The following GBE1 variants were observed in gnomAD, a reference collection of about 807,000 sequenced individuals.
GBE1 encodes the protein 1,4-alpha-glucan branching enzyme 1, also known as 1,4-alpha-glucan-branching enzyme.
GBE1 carries 70 observed loss-of-function variants against 88.8 expected under a neutral mutation model. The ratio of observed to expected loss-of-function variants is 0.79; its 90% CI spans 0.65 to 0.96. The LOEUF (loss-of-function observed/expected upper bound fraction) is 0.96, where lower values mean the gene tolerates loss of function less well. GBE1 is among the 40% of genes least tolerant of loss of function. The probability of loss-of-function intolerance (pLI) is 0.00; values close to 1 mark genes in which losing one functional copy is unlikely to be tolerated. For synonymous variants in GBE1, 284 were observed against 300.1 expected (o/e 0.95, Z 0.56); for missense variants, 872 against 871.0 (o/e 1.00, Z -0.01).
chr3:81,689,657 G>C (rs1429117692), intron 2 of GBE1, among the ~76,000 whole-genome samples: 1 of 152,082 alleles, frequency 6.6e-6, no homozygotes, highest in Non-Finnish European at 1.5e-5. Context: ...CATCACTAGC[G>C]GGCGAGTCCA....
rs971330613 is a variant in GBE1 at position 81,489,948 on chromosome 3, A to G, written c.*459T>C. The G allele has an allele frequency of 2.6e-5, 4 of 156,862 alleles. No homozygotes were observed. The highest frequency in any genetic ancestry group is 5.6e-5 in the Non-Finnish European group (4 of 71,422). 9.7% of individuals were successfully genotyped at this position (156,862 alleles called of 1,614,324 possible). ...TTACAGTATTTCTAAACACAATTTG[A>G]AAAAAAGAAACAAAGAAACAATCTT... On this transcript the variant is annotated 3_prime_UTR_variant, in exon 16 of 16. Transcript: ENST00000429644.
intron 14 of GBE1, among the ~76,000 whole-genome samples, chr3:81,516,735 T>C (rs982821087): frequency 6.6e-6 from 1 of 151,418 alleles, no homozygotes; most frequent in Admixed American, 6.6e-5. Flanking sequence ...ATCAACACAA[T>C]AGGAGTTTGG....
chr3:81,680,776 C>T (rs954022480), intron 2 of GBE1, among the ~76,000 whole-genome samples: 3 of 152,094 alleles, frequency 2.0e-5, no homozygotes, highest in African/African-American at 7.2e-5. Context: ...GGATTAGTAC[C>T]TGTATTAAAG....
At chr3:81,539,764 C>CA (rs1703120608) in intron 12 of GBE1, among the ~76,000 whole-genome samples, 1 of 151,958 alleles carries the variant, frequency 6.6e-6, no homozygotes, top group South Asian at 2.1e-4. Context: ...GTGTTAACTA[C>CA]ACTAGAGGAA....
intron 12 of GBE1, among the ~76,000 whole-genome samples, chr3:81,541,224 A>G (rs9837220): frequency 0.64 from 97,314 of 151,616 alleles, 32,714 homozygotes; most frequent in East Asian, 0.92. Context: ...TCAGAGGACG[A>G]TATTAACTCA....
At chr3:81,597,477 C>A (rs1342487402) in intron 7 of GBE1, among the ~76,000 whole-genome samples, 2 of 131,064 alleles carry the variant, frequency 1.5e-5, no homozygotes, top group African/African-American at 3.0e-5. Context: ...ATATATATAT[C>A]TCAAAATATA....
At chr3:81,596,274 G>A (rs374937600) in intron 7 of GBE1, among the ~76,000 whole-genome samples, 27 of 151,752 alleles carry the variant, frequency 1.8e-4, no homozygotes, top group South Asian at 4.2e-4. Context: ...TTAATTCTCT[G>A]GCTAAGTCAA....
At chr3:81,690,842 G>A (rs1210907711) in intron 2 of GBE1, among the ~76,000 whole-genome samples, 1 of 150,956 alleles carries the variant, frequency 6.6e-6, no homozygotes, top group African/African-American at 2.4e-5. Flanking sequence ...TCCCTTTATT[G>A]TCTTGCTATA....
intron 14 of GBE1, among the ~76,000 whole-genome samples, chr3:81,511,772 T>C (rs912996015): frequency 6.6e-6 from 1 of 151,914 alleles, no homozygotes; most frequent in East Asian, 1.9e-4. Context: ...TAAAGCAGCT[T>C]GTAAATGTCT....
intron 2 of GBE1, among the ~76,000 whole-genome samples, chr3:81,700,118 C>A (rs1304029884): frequency 6.6e-6 from 1 of 152,142 alleles, no homozygotes; most frequent in Non-Finnish European, 1.5e-5. Flanking sequence ...CAGCTGACCA[C>A]TACAGCGAAA....
In GBE1 at chr3:81,705,598, G is replaced by A. The variant is rs1245333229; in HGVS notation, c.159C>T (p.Ser53=). ...VDFQRRYKQF[S]QILKNIGENE... ...TTTCTCCAATGTTCTTCAAAATTTGGCTAAACTGCTTATACCTTTGAAGAA... is the reference window on the plus strand; with the variant it reads ...TTTCTCCAATGTTCTTCAAAATTTGACTAAACTGCTTATACCTTTGAAGAA... The change falls in exon 2 of 16, where the codon AGC becomes AGT. Residue 53 remains serine, a synonymous_variant. Coordinates refer to ENST00000429644, the MANE Select transcript of GBE1 (RefSeq NM_000158.4). 1.3e-6 allele frequency: 2 copies of A among 1,559,260 alleles called. No individual in the cohort carries two copies. Among genetic ancestry groups the A allele is most frequent in the African/African-American group, 1.4e-5 (1 of 73,346 alleles).
intron 1 of GBE1, among the ~76,000 whole-genome samples, chr3:81,723,693 T>C (rs1016722680): frequency 6.6e-6 from 1 of 152,164 alleles, no homozygotes; most frequent in African/African-American, 2.4e-5. Context: ...CTAAAAGTAG[T>C]GGCACTGAAG....
chr3:81,710,039 C>T (rs1232673114), intron 1 of GBE1, among the ~76,000 whole-genome samples: 1 of 151,966 alleles, frequency 6.6e-6, no homozygotes, highest in Non-Finnish European at 1.5e-5. Flanking sequence ...TGTTTTAAAT[C>T]CTCTGTTACA....
chr3:81,604,440 C>T (rs969593965), intron 7 of GBE1, among the ~76,000 whole-genome samples: 1 of 151,682 alleles, frequency 6.6e-6, no homozygotes, highest in African/African-American at 2.4e-5. Context: ...GAGTGCACCA[C>T]GACGCCAGGC....
At chr3:81,501,591 T>A (rs1576122105) in intron 14 of GBE1, among the ~76,000 whole-genome samples, 1 of 152,012 alleles carries the variant, frequency 6.6e-6, no homozygotes, top group Admixed American at 6.6e-5. Flanking sequence ...ACACTTTCAT[T>A]TTAGTCACCT....
At chr3:81,695,689 G>T (rs968711065) in intron 2 of GBE1, among the ~76,000 whole-genome samples, 1 of 152,150 alleles carries the variant, frequency 6.6e-6, no homozygotes, top group African/African-American at 2.4e-5. Context: ...GAAAAAGAAA[G>T]AAATAAAATA....
chr3:81,539,401 A>G (rs150765406), intron 12 of GBE1, among the ~76,000 whole-genome samples: 2 of 152,114 alleles, frequency 1.3e-5, no homozygotes, highest in Non-Finnish European at 2.9e-5. Context: ...GATCATTAGG[A>G]TGAACCGTAT....
chr3:81,539,853 TCAG>T (rs1703121697), intron 12 of GBE1, among the ~76,000 whole-genome samples: 1 of 151,874 alleles, frequency 6.6e-6, no homozygotes, highest in Admixed American at 6.6e-5. Context: ...GAAGGAAACA[TCAG>T]CATCTGTAGA....
chr3:81,705,741 A>G, intron 1 of GBE1, 128 bp from the exon 2 acceptor site: 1 of 550,594 alleles, frequency 1.8e-6, no homozygotes, highest in Non-Finnish European at 3.0e-6. Context: ...AATAATATAA[A>G]TAATTTCATT....
Sources: allele counts gnomAD v4.1 joint callset (sites outside exome capture counted in the v4.1 genomes callset), GRCh38; gene constraint gnomAD v4.1.1; transcripts MANE v1.5; gene names NCBI Gene and HGNC (gene_info 2026-07-23, HGNC 2026-07-21).